MLIP: variants seen among roughly 807,000 people sequenced by gnomAD.
MLIP encodes muscular LMNA interacting protein, also known as muscular LMNA-interacting protein.
Under a neutral mutation model 84.8 loss-of-function variants are expected in MLIP, and 79 were observed. That is an observed-to-expected ratio of 0.93 (90% CI 0.78 to 1.12). The LOEUF is 1.12. Ranked by LOEUF, MLIP falls within the 50% of genes most tolerant of loss-of-function variation. The pLI is 0.00. For synonymous variants in MLIP, 504 were observed against 463.0 expected, an observed-to-expected ratio of 1.09 and a Z score of -1.14; for missense variants, 1,257 against 1,160.6, an observed-to-expected ratio of 1.08 and a Z score of -1.21.
chr6:54,084,570 G>A (rs2150361935), intron 1 of MLIP, among the ~76,000 whole-genome samples: 1 of 152,194 alleles, frequency 6.6e-6, no homozygotes, highest in South Asian at 2.1e-4. Flanking sequence ...TCAAGCAGGT[G>A]GATATGTGTA....
intron 9 of MLIP, among the ~76,000 whole-genome samples, chr6:54,188,885 G>C (rs1321082858): frequency 1.3e-5 from 2 of 152,190 alleles, no homozygotes; most frequent in African/African-American, 4.8e-5. Context: ...TTTGAAGACA[G>C]AAGATCCTCC....
chr6:54,264,269 T>C (rs181159638), intron 13 of MLIP, among the ~76,000 whole-genome samples: 236 of 152,202 alleles, frequency 1.6e-3, no homozygotes, highest in African/African-American at 5.1e-3. Flanking sequence ...TTTAATGTTA[T>C]AATCCCATCT....
At chr6:54,189,406 C>T (rs1381029794) in intron 9 of MLIP, among the ~76,000 whole-genome samples, 1 of 152,080 alleles carries the variant, frequency 6.6e-6, no homozygotes, top group Non-Finnish European at 1.5e-5. Flanking sequence ...ATTCTCAAAT[C>T]ATAAAAACTT....
intron 1 of MLIP, among the ~76,000 whole-genome samples, chr6:54,044,756 T>C (rs1431833251): frequency 6.6e-6 from 1 of 152,014 alleles, no homozygotes; most frequent in African/African-American, 2.4e-5. Context: ...GTCGGTGAAA[T>C]TAATGCCACA....
At chr6:54,098,140 T>TTTCTTTC (rs1460670948) in intron 1 of MLIP, among the ~76,000 whole-genome samples, 4 of 123,640 alleles carry the variant, frequency 3.2e-5, no homozygotes, top group African/African-American at 1.1e-4. Context: ...TCTTGGGGAT[T>TTTCTTTC]TTTCTTTCTT....
At chr6:54,096,045 T>C (rs1768189639) in intron 1 of MLIP, among the ~76,000 whole-genome samples, 2 of 152,302 alleles carry the variant, frequency 1.3e-5, no homozygotes, top group South Asian at 4.1e-4. Flanking sequence ...AAAAAACTTA[T>C]ATCTTATGCA....
In MLIP at chr6:54,230,909, T is replaced by C. The variant is rs756275612; in HGVS notation, c.2914T>C (p.Cys972Arg). The change falls in exon 12 of 14, where the codon TGC (cysteine) becomes CGC (arginine). Residue 972 changes from cysteine to arginine, a missense_variant. Cys to Arg is a radical substitution (Grantham distance 180, BLOSUM62 -3). Coordinates refer to ENST00000502396, the MANE Select transcript of MLIP (RefSeq NM_001281747.2). ...NSHTLLSHNA[C>R]NKLSHPMVAI... The stretch of plus-strand genomic sequence containing the variant: ...TCACACCCTCCTCAGTCACAACGCA[T>C]GCAACAAGGTGAGAACTCCTCCCCA... 1.2e-6 allele frequency: 2 copies of C among 1,613,868 alleles called. No individual in the cohort carries two copies. The highest frequency in any genetic ancestry group is 8.5e-7 in the Non-Finnish European group (1 of 1,179,928).
rs1465680725 is a variant in MLIP at position 54,202,103 on chromosome 6, A to G, written c.2590-2A>G. On this transcript the variant is annotated splice_acceptor_variant, in intron 10 of 13. Transcript: ENST00000502396. LOFTEE classifies it high-confidence loss of function. ...TAAAATATTTATTTTACATTCATGA[A>G]GACTAAGCCTGGAGTAATTCGCCCA... 1.3e-6 allele frequency: 2 copies of G among 1,560,468 alleles called. No homozygotes were observed. The highest frequency in any genetic ancestry group is 1.4e-5 in the African/African-American group (1 of 72,776).
intron 9 of MLIP, among the ~76,000 whole-genome samples, chr6:54,179,247 A>G (rs909940313): frequency 2.0e-5 from 3 of 152,020 alleles, no homozygotes; most frequent in Non-Finnish European, 4.4e-5. Context: ...ATAGGCATGG[A>G]ATATATCTTT....
At chr6:54,157,607 A>C (rs928894721) in intron 5 of MLIP, among the ~76,000 whole-genome samples, 1 of 152,066 alleles carries the variant, frequency 6.6e-6, no homozygotes, top group Non-Finnish European at 1.5e-5. Flanking sequence ...ATATGTGACT[A>C]ACAAACTGTT....
intron 1 of MLIP, among the ~76,000 whole-genome samples, chr6:54,052,123 G>T (rs116947331): frequency 1.3e-5 from 2 of 152,110 alleles, no homozygotes; most frequent in Non-Finnish European, 2.9e-5. Context: ...TGGTAACAGC[G>T]TTAAGCTAGA....
At chr6:54,030,715 A>T (rs1362401012) in intron 1 of MLIP, 1 of 152,134 alleles carries the variant, frequency 6.6e-6, no homozygotes, top group Non-Finnish European at 1.5e-5. Flanking sequence ...GAATTTTTCT[A>T]AAAAATATGC....
intron 1 of MLIP, among the ~76,000 whole-genome samples, chr6:54,120,587 G>T (rs1770365296): frequency 6.6e-6 from 1 of 152,126 alleles, no homozygotes; most frequent in African/African-American, 2.4e-5. Flanking sequence ...ATTCTAATAT[G>T]ACTATGTCAT....
rs556624254 is a variant in MLIP, at chr6:54,105,254, A to T, written c.64-16193A>T. Reference sequence around the variant, plus strand: ...TACAAGATGGAATCTGACTGCTGTTACTTGCGTCCTGCTCCTTTCTTTAGC... The same window carrying T: ...TACAAGATGGAATCTGACTGCTGTTTCTTGCGTCCTGCTCCTTTCTTTAGC... On this transcript the variant is annotated intron_variant, in intron 1 of 12. Coordinates refer to the MLIP transcript ENST00000274897. Among the ~76,000 whole-genome samples, 5 of 152,224 alleles carry T rather than the reference A, an allele frequency of 3.3e-5. No individual in the cohort carries two copies. The South Asian group carries it at 1.0e-3, about 32-fold the overall frequency.
In MLIP at chr6:54,199,429, A is replaced by G. The variant is rs531275511; in HGVS notation, c.2590-2676A>G. 2.0e-5 allele frequency among the ~76,000 whole-genome samples: 3 copies of G among 152,300 alleles called. No homozygotes were observed. The East Asian group carries it at 5.8e-4, about 29-fold the overall frequency. ...TATTGAGTTCAGTTTTTGATTCTATATTGATAGAATATAGAATCTGTGTCT... is the reference window on the plus strand; with the variant it reads ...TATTGAGTTCAGTTTTTGATTCTATGTTGATAGAATATAGAATCTGTGTCT... On this transcript the variant is annotated intron_variant, in intron 10 of 13. Coordinates refer to ENST00000502396, the MANE Select transcript of MLIP (RefSeq NM_001281747.2).
At chr6:54,120,706 A>G (rs1770376615) in intron 1 of MLIP, among the ~76,000 whole-genome samples, 1 of 151,988 alleles carries the variant, frequency 6.6e-6, no homozygotes, top group African/African-American at 2.4e-5. Flanking sequence ...GGATCTCCCT[A>G]TCCTCCTTTT....
chr6:54,174,503 T>C (rs1582391412), intron 9 of MLIP, among the ~76,000 whole-genome samples: 1 of 152,192 alleles, frequency 6.6e-6, no homozygotes, highest in Non-Finnish European at 1.5e-5. Flanking sequence ...TGATCAATGA[T>C]GTTGAGCATC....
chr6:54,136,960 A>G lies in MLIP; in HGVS notation c.891A>G (p.Leu297=), dbSNP rs112239804. Residue 297 remains leucine (L), a synonymous_variant, in exon 4 of 14, where the codon TTA becomes TTG. Coordinates refer to ENST00000502396, the MANE Select transcript of MLIP (RefSeq NM_001281747.2). ...FSASKGTSST[L]LFPHSTQLSG... ...CATCGAAGGGCACCTCCTCGACGTT[A>G]CTGTTTCCCCATTCCACTCAACTAT... 1.1e-5 allele frequency: 17 copies of G among 1,535,864 alleles called. No homozygotes were observed. Among genetic ancestry groups the G allele is most frequent in the Middle Eastern group, 1.7e-4 (1 of 6,010 alleles).
chr6:54,255,258 A>T (rs1388787974), intron 12 of MLIP, among the ~76,000 whole-genome samples: 1 of 152,194 alleles, frequency 6.6e-6, no homozygotes, highest in African/African-American at 2.4e-5. Context: ...TCCAGCATGG[A>T]TGTTCCACTC....
Sources: allele counts gnomAD v4.1 joint callset (sites outside exome capture counted in the v4.1 genomes callset), GRCh38; gene constraint gnomAD v4.1.1; transcripts MANE v1.5; gene names NCBI Gene and HGNC (gene_info 2026-07-23, HGNC 2026-07-21).